ROBO2: variants seen among roughly 807,000 people sequenced by gnomAD.
The protein encoded by ROBO2 is roundabout homolog 2.
A neutral mutation model predicts 160.8 loss-of-function variants in ROBO2; 53 were observed. The observed-to-expected ratio is 0.33, with a 90% CI of 0.26 to 0.41. ROBO2 has a LOEUF of 0.41. ROBO2 is among the 10% of genes least tolerant of loss of function. The probability of loss-of-function intolerance (pLI) is 1.00; values close to 1 mark genes in which losing one functional copy is unlikely to be tolerated. For synonymous variants in ROBO2, 664 were observed against 611.7 expected, an observed-to-expected ratio of 1.09 and a Z score of -1.26; for missense variants, 1,577 against 1,722.4, an observed-to-expected ratio of 0.92 and a Z score of 1.49.
chr3:76,589,630 C>T (rs2108810930), intron 2 of ROBO2, among the ~76,000 whole-genome samples: 1 of 152,282 alleles, frequency 6.6e-6, no homozygotes, highest in South Asian at 2.1e-4. Flanking sequence ...TGAAACCTTT[C>T]ATCAATTAGC....
At chr3:77,233,107 G>A (rs1216011041) in intron 2 of ROBO2, among the ~76,000 whole-genome samples, 3 of 152,070 alleles carry the variant, frequency 2.0e-5, no homozygotes, top group African/African-American at 7.2e-5. Context: ...GTCCACAACC[G>A]AGTCATATAA....
At chr3:77,424,351 G>A (rs1007028875) in intron 2 of ROBO2, among the ~76,000 whole-genome samples, 19 of 152,244 alleles carry the variant, frequency 1.2e-4, no homozygotes, top group African/African-American at 4.1e-4. Context: ...AGAAGAGTGA[G>A]CAAACAGAAT....
At chr3:77,234,510 CT>C (rs895750850) in intron 2 of ROBO2, among the ~76,000 whole-genome samples, 1 of 151,698 alleles carries the variant, frequency 6.6e-6, no homozygotes, top group African/African-American at 2.4e-5. Context: ...AGACAATCTG[CT>C]TTTTTTTCAG....
chr3:76,705,485 T>C (rs902164116), intron 2 of ROBO2, among the ~76,000 whole-genome samples: 4 of 152,008 alleles, frequency 2.6e-5, no homozygotes, highest in African/African-American at 7.2e-5. Context: ...ATGAGCAGCA[T>C]CCAATGATGC....
chr3:76,915,694 A>G (rs35700364), intron 2 of ROBO2, among the ~76,000 whole-genome samples: 3 of 151,942 alleles, frequency 2.0e-5, no homozygotes, highest in Non-Finnish European at 4.4e-5. Context: ...AAAAGAAAAA[A>G]AAAGAGTGAA....
chr3:76,950,484 A>G (rs1050500539), intron 2 of ROBO2, among the ~76,000 whole-genome samples: 12 of 152,168 alleles, frequency 7.9e-5, no homozygotes, highest in Non-Finnish European at 1.5e-5. Flanking sequence ...ACTTATTTCC[A>G]GTCAATTATA....
In ROBO2 at chr3:77,298,027, G is replaced by A. The variant is rs1262642653; in HGVS notation, c.389-179387G>A. Reference sequence around the variant, plus strand: ...GGGCTACCTAAGCGGGTAGGGCATTGTGCTTGTGGGTTATTCTGCAAATCC... The same window carrying A: ...GGGCTACCTAAGCGGGTAGGGCATTATGCTTGTGGGTTATTCTGCAAATCC... On this transcript the variant is annotated intron_variant, in intron 2 of 25. Coordinates refer to ENST00000461745, the Ensembl canonical transcript of ROBO2. Among the ~76,000 whole-genome samples the A allele has an allele frequency of 2.0e-5, 3 of 152,116 alleles. No homozygotes were observed. The East Asian group carries it at 5.8e-4, about 29-fold the overall frequency.
intron 2 of ROBO2, among the ~76,000 whole-genome samples, chr3:76,999,549 C>A (rs1164282023): frequency 2.0e-5 from 3 of 152,104 alleles, no homozygotes; most frequent in Non-Finnish European, 4.4e-5. Flanking sequence ...AAATGTCAAT[C>A]ATGTTTTATC....
intron 2 of ROBO2, among the ~76,000 whole-genome samples, chr3:76,032,471 C>T (rs533275491): frequency 2.0e-4 from 31 of 152,156 alleles, no homozygotes; most frequent in Non-Finnish European, 4.3e-4. Flanking sequence ...TTAGATCTGT[C>T]CTGCTTTCTC....
intron 2 of ROBO2, among the ~76,000 whole-genome samples, chr3:77,228,908 A>G (rs774171188): frequency 2.0e-5 from 3 of 152,166 alleles, no homozygotes; most frequent in Non-Finnish European, 4.4e-5. Context: ...ATTCATTTAA[A>G]CTTAGAAATA....
At chr3:76,046,564 C>T (rs2067458630) in intron 2 of ROBO2, among the ~76,000 whole-genome samples, 2 of 151,882 alleles carry the variant, frequency 1.3e-5, no homozygotes, top group Non-Finnish European at 2.9e-5. Context: ...AGGAGAATGG[C>T]GTGAACCCGG....
rs2148711921 is a variant in ROBO2 at position 76,876,308 on chromosome 3, A to G, written c.110-221706A>G. 2.0e-5 allele frequency among the ~76,000 whole-genome samples: 3 copies of G among 152,342 alleles called. No individual in the cohort carries two copies. The South Asian group carries it at 6.2e-4, about 32-fold the overall frequency. ...ATGGAAGTTTTATAAAAATATGGTC[A>G]GTTACCAAGTGAATCTGTTCCAATT... On this transcript the variant is annotated intron_variant, in intron 2 of 26. Coordinates refer to the ROBO2 transcript ENST00000487694.
At chr3:76,603,344 AAAAAAAAATATATAT>A (rs1279499655) in intron 2 of ROBO2, among the ~76,000 whole-genome samples, 90 of 64,658 alleles carry the variant, frequency 1.4e-3, no homozygotes, top group South Asian at 4.0e-3. Context: ...AAAAAAAAAA[AAAAAAAAATATATAT>A]ATATATATAT....
chr3:77,411,583 A>G (rs2076806365), intron 2 of ROBO2, among the ~76,000 whole-genome samples: 1 of 152,230 alleles, frequency 6.6e-6, no homozygotes, highest in African/African-American at 2.4e-5. Flanking sequence ...CGGTAAAGTT[A>G]CCAACACACT....
intron 2 of ROBO2, among the ~76,000 whole-genome samples, chr3:76,423,581 A>G (rs187555955): frequency 1.6e-4 from 24 of 152,286 alleles, no homozygotes; most frequent in Non-Finnish European, 2.8e-4. Context: ...GCAGGGAGCA[A>G]CCAAGAGAAA....
intron 2 of ROBO2, among the ~76,000 whole-genome samples, chr3:76,389,789 T>C (rs537163276): frequency 6.6e-6 from 1 of 152,314 alleles, no homozygotes; most frequent in East Asian, 1.9e-4. Context: ...TATATTAAAA[T>C]TAAGTTTCAT....
At chr3:76,523,139 G>A (rs2081732976) in intron 2 of ROBO2, among the ~76,000 whole-genome samples, 1 of 151,442 alleles carries the variant, frequency 6.6e-6, no homozygotes, top group South Asian at 2.1e-4. Context: ...CCGTAAATTT[G>A]TTTAGTCTTT....
At position 77,098,347 on chromosome 3, in the gene ROBO2, G is replaced by A; in HGVS notation, c.388+7G>A. The A allele has an allele frequency of 1.2e-6, 2 of 1,613,340 alleles. No homozygotes were observed. Among genetic ancestry groups the A allele is most frequent in the Admixed American group, 1.7e-5 (1 of 60,026 alleles). ...GCGTCTCTGGAAGTGGCATGTAAGTGAACATAATGAACCTCATGTGCACAT... is the reference window on the plus strand; with the variant it reads ...GCGTCTCTGGAAGTGGCATGTAAGTAAACATAATGAACCTCATGTGCACAT... On this transcript the variant is annotated splice_region_variant and intron_variant, in intron 2 of 25. Transcript: ENST00000461745.
intron 2 of ROBO2, among the ~76,000 whole-genome samples, chr3:77,447,685 T>C (rs2080692033): frequency 6.6e-6 from 1 of 152,126 alleles, no homozygotes; most frequent in Admixed American, 6.6e-5. Flanking sequence ...CTAATTAGTG[T>C]CTTCTTTTAA....
Sources: gnomAD v4.1 joint callset for allele counts (sites outside exome capture counted in the v4.1 genomes callset) on GRCh38, gnomAD v4.1.1 for gene constraint, MANE v1.5 for transcripts, NCBI Gene and HGNC (gene_info 2026-07-23, HGNC 2026-07-21) for gene names.